The following URB2 variants were observed in gnomAD, a reference collection of about 807,000 sequenced individuals.
The protein encoded by URB2 is URB2 ribosome biogenesis homolog, also known as unhealthy ribosome biogenesis protein 2 homolog.
A neutral mutation model predicts 120.9 loss-of-function variants in URB2; 86 were observed. The ratio of observed to expected loss-of-function variants is 0.71; its 90% confidence interval spans 0.60 to 0.85. URB2 has a LOEUF of 0.85. Among genes scored for constraint, URB2 ranks in the 40% least tolerant of loss-of-function variants. The pLI is 0.00. For synonymous variants in URB2, 755 were observed against 758.4 expected (o/e 1.00, Z 0.07); for missense variants, 1,765 against 1,836.5 (o/e 0.96, Z 0.71).
At chr1:229,634,586 G>C (rs1205381408) in intron 3 of URB2, among the ~76,000 whole-genome samples, 2 of 152,106 alleles carry the variant, frequency 1.3e-5, no homozygotes, top group African/African-American at 4.8e-5. Context: ...CTCAATTGCA[G>C]GTTTAGGATC....
At chr1:229,627,838 G>A in intron 2 of URB2, 79 bp downstream of exon 2, 1 of 1,456,286 alleles carries the variant, frequency 6.9e-7, no homozygotes, top group Non-Finnish European at 9.1e-7. Flanking sequence ...TTGACAATTG[G>A]TTAAAATAAA....
chr1:229,631,802 A>G (rs1193101243), intron 2 of URB2, among the ~76,000 whole-genome samples: 1 of 152,194 alleles, frequency 6.6e-6, no homozygotes, highest in East Asian at 1.9e-4. Context: ...TAACAAATAT[A>G]AGAATGGAAA....
chr1:229,638,228 TG>T lies in URB2; in HGVS notation c.3616del (p.Val1206Ter), dbSNP rs1558166502. On this transcript the variant is annotated frameshift_variant, in exon 4 of 10. Transcript: ENST00000258243. LOFTEE classifies it high-confidence loss of function. ...CCGTGTTTACCTCCATGTTTCATTC[TG>T]TGAGAAGAGTTCTTGCAGGTAAGAT... is the stretch of plus-strand genomic sequence containing the variant. ...DSVFTSMFHSVRRVLADPEIP... is the reference protein window; with the variant it reads ...DSVFTSMFHSXRRVLADPEIP... The T allele has an allele frequency of 6.2e-7, 1 of 1,605,884 alleles. No homozygotes were observed. Among genetic ancestry groups the T allele is most frequent in the Non-Finnish European group, 8.5e-7 (1 of 1,175,706 alleles).
At chr1:229,642,143 G>C (rs188367103) in intron 4 of URB2, among the ~76,000 whole-genome samples, 1 of 152,206 alleles carries the variant, frequency 6.6e-6, no homozygotes, top group South Asian at 2.1e-4. Flanking sequence ...GGGTAAAGGT[G>C]GGGGAGACGC....
At chr1:229,633,847 T>A (rs903187962) in intron 3 of URB2, among the ~76,000 whole-genome samples, 3 of 152,176 alleles carry the variant, frequency 2.0e-5, no homozygotes, top group Non-Finnish European at 2.9e-5. Flanking sequence ...TTTTAAAAAA[T>A]TTTTTTGAGA....
rs755547065 is a variant in URB2 at position 229,637,098 on chromosome 1, C to T, written c.2485C>T (p.Arg829Cys). 12 of 1,613,190 alleles carry T rather than the reference C, an allele frequency of 7.4e-6. No homozygotes were observed. The highest frequency in any genetic ancestry group is 8.5e-6 in the Non-Finnish European group (10 of 1,179,576). The change falls in exon 4 of 10, where the codon CGT becomes TGT. Residue 829 changes from arginine to cysteine, a missense_variant. Transcript: ENST00000258243. ...CAGCATTCTGTGTTCTGGTGCCCAG[C>T]GTGACTCAGGTCTTGTCAGTCAGCA... is the stretch of plus-strand genomic sequence containing the variant. ...CSSILCSGAQRDSGLVSQQLP... is the reference protein window; with the variant it reads ...CSSILCSGAQCDSGLVSQQLP...
chr1:229,637,907 G>T lies in URB2; in HGVS notation c.3294G>T (p.Val1098=), dbSNP rs1017849551. 3.1e-6 allele frequency: 5 copies of T among 1,608,574 alleles called. No homozygotes were observed. Among genetic ancestry groups the T allele is most frequent in the Non-Finnish European group, 4.2e-6 (5 of 1,177,928 alleles). Reference sequence around the variant, plus strand: ...AGGTTGTGCTGCAGACAGGAGCTGTGCTGCAGCTCTGCTCAGTGCCGGGGG... The same window carrying T: ...AGGTTGTGCTGCAGACAGGAGCTGTTCTGCAGCTCTGCTCAGTGCCGGGGG... ...LQQVVLQTGA[V]LQLCSVPGAR... Residue 1098 remains valine, a synonymous_variant, in exon 4 of 10, where the codon GTG becomes GTT. Coordinates refer to ENST00000258243, the MANE Select transcript of URB2 (RefSeq NM_014777.4).
At chr1:229,629,006 G>A (rs1005074100) in intron 2 of URB2, among the ~76,000 whole-genome samples, 2 of 152,200 alleles carry the variant, frequency 1.3e-5, no homozygotes, top group African/African-American at 2.4e-5. Context: ...CAAAGGGGAG[G>A]CTCTAGCAGC....
rs748219428 is a variant in URB2 at position 229,634,961 on chromosome 1, A to G, written c.348A>G (p.Gln116=). 2.6e-6 allele frequency: 4 copies of G among 1,552,374 alleles called. No homozygotes were observed. The highest frequency in any genetic ancestry group is 2.3e-5 in the East Asian group (1 of 44,144). Residue 116 remains glutamine, a synonymous_variant, in exon 4 of 10, where the codon CAA becomes CAG. Transcript: ENST00000258243. ...RVAEFSLSGS[Q]RNICAVLRCC... ...CTGAGTTCTCTCTTTCGGGATCCCA[A>G]AGAAACATCTGTGCTGTCCTTCGAT...
chr1:229,640,187 G>A (rs1486593342), intron 4 of URB2, among the ~76,000 whole-genome samples: 1 of 152,056 alleles, frequency 6.6e-6, no homozygotes, highest in Admixed American at 6.6e-5. Context: ...CTTTAATGTT[G>A]CATTTTAATA....
intron 4 of URB2, among the ~76,000 whole-genome samples, chr1:229,640,614 C>T (rs1349621102): frequency 2.0e-5 from 3 of 152,046 alleles, no homozygotes; most frequent in Non-Finnish European, 2.9e-5. Context: ...GGGCCACGGG[C>T]GTGCCTTTCG....
chr1:229,631,093 T>G (rs1211397100), intron 2 of URB2, among the ~76,000 whole-genome samples: 1 of 152,156 alleles, frequency 6.6e-6, no homozygotes, highest in African/African-American at 2.4e-5. Context: ...CATCAGTGAT[T>G]TTAGCTCGAC....
At chr1:229,657,151 T>G (rs1666425569) in intron 9 of URB2, among the ~76,000 whole-genome samples, 1 of 152,262 alleles carries the variant, frequency 6.6e-6, no homozygotes, top group Non-Finnish European at 1.5e-5. Flanking sequence ...ATAAGTAGTT[T>G]GTGCTGCTCA....
rs1665801690 is a variant in URB2, at chr1:229,636,038, G to A, written c.1425G>A (p.Gly475=). Reference sequence around the variant, plus strand: ...CACGGTTGTTTGAAGAGGTTTTGGGGGTGATCTGTCGTCCAGCTGCTGAGG... The same window carrying A: ...CACGGTTGTTTGAAGAGGTTTTGGGAGTGATCTGTCGTCCAGCTGCTGAGG... ...QVPRLFEEVL[G]VICRPAAEAL... Residue 475 remains glycine, a synonymous_variant, in exon 4 of 10, where the codon GGG becomes GGA. Coordinates refer to ENST00000258243, the MANE Select transcript of URB2 (RefSeq NM_014777.4). 1.2e-6 allele frequency: 2 copies of A among 1,614,010 alleles called. No individual in the cohort carries two copies. The highest frequency in any genetic ancestry group is 1.7e-6 in the Non-Finnish European group (2 of 1,179,966).
In URB2 at chr1:229,636,814, C is replaced by T. The variant is rs772925660; in HGVS notation, c.2201C>T (p.Thr734Ile). The T allele has an allele frequency of 3.7e-6, 6 of 1,612,898 alleles. No individual in the cohort carries two copies. The highest frequency in any genetic ancestry group is 5.1e-6 in the Non-Finnish European group (6 of 1,179,164). Reference protein sequence around the residue: ...DGQVGMVSGLTYPVAHWHLIV... With the variant: ...DGQVGMVSGLIYPVAHWHLIV... ...CAAGTTGGGATGGTGAGTGGACTCACATACCCTGTAGCACACTGGCACTTG... is the reference window on the plus strand; with the variant it reads ...CAAGTTGGGATGGTGAGTGGACTCATATACCCTGTAGCACACTGGCACTTG... The change falls in exon 4 of 10, where the codon ACA becomes ATA. Residue 734 changes from threonine to isoleucine, a missense_variant. Coordinates refer to ENST00000258243, the MANE Select transcript of URB2 (RefSeq NM_014777.4).
At chr1:229,644,833 T>G (rs1666098440) in intron 5 of URB2, among the ~76,000 whole-genome samples, 1 of 152,130 alleles carries the variant, frequency 6.6e-6, no homozygotes, top group South Asian at 2.1e-4. Context: ...TGGCACTGGG[T>G]CTGTTTGTTC....
rs1362022413 is a variant in URB2 at position 229,636,760 on chromosome 1, A to G, written c.2147A>G (p.Asn716Ser). The change falls in exon 4 of 10, where the codon AAT (asparagine) becomes AGT (serine). Residue 716 changes from asparagine to serine, a missense_variant. Transcript: ENST00000258243. The stretch of plus-strand genomic sequence containing the variant: ...ATTGGTTCCGGCAGAAAAAGCTTGA[A>G]TCAGAGAACGACGGCTTCCTGGGAT... The part of the protein sequence containing the change: ...FIIGSGRKSL[N>S]QRTTASWDGQ... The G allele has an allele frequency of 1.2e-6, 2 of 1,612,488 alleles. No individual in the cohort carries two copies. The highest frequency in any genetic ancestry group is 2.2e-5 in the South Asian group (2 of 90,942).
chr1:229,654,291 T>C lies in URB2; in HGVS notation c.4280T>C (p.Leu1427Pro). ...CCTACGGTCCTAAAGTGTGCACGCC[T>C]GGTTGAAAGAATGTACAGCCACATC... ...DLPTVLKCAR[L>P]VERMYSHIAA... Residue 1427 changes from leucine to proline, a missense_variant, in exon 9 of 10, where the codon CTG becomes CCG. Physicochemically the swap from Leu to Pro is moderately conservative, Grantham distance 98. Coordinates refer to ENST00000258243, the MANE Select transcript of URB2 (RefSeq NM_014777.4). 6.2e-7 allele frequency: 1 copy of C among 1,614,216 alleles called. No homozygotes were observed. Among genetic ancestry groups the C allele is most frequent in the Non-Finnish European group, 8.5e-7 (1 of 1,180,040 alleles).
chr1:229,652,115 G>A (rs534125525), intron 8 of URB2, among the ~76,000 whole-genome samples: 1 of 152,152 alleles, frequency 6.6e-6, no homozygotes, highest in South Asian at 2.1e-4. Context: ...CCGGGAGGCG[G>A]AGGTTGCAAT....
Sources: gnomAD v4.1 joint callset for allele counts (sites outside exome capture counted in the v4.1 genomes callset) on GRCh38, gnomAD v4.1.1 for gene constraint, MANE v1.5 for transcripts, NCBI Gene and HGNC (gene_info 2026-07-23, HGNC 2026-07-21) for gene names.